NLK: variants seen among roughly 807,000 people sequenced by gnomAD.
NLK encodes nemo like kinase, also known as serine/threonine-protein kinase NLK.
NLK carries 11 observed loss-of-function variants against 59.0 expected under a neutral mutation model. The ratio of observed to expected loss-of-function variants is 0.19; its 90% CI spans 0.12 to 0.31. The LOEUF (loss-of-function observed/expected upper bound fraction) is 0.31, where lower values mean the gene tolerates loss of function less well. Among genes scored for constraint, NLK ranks in the 10% least tolerant of loss-of-function variants. The probability of loss-of-function intolerance (pLI) is 1.00; values close to 1 mark genes in which losing one functional copy is unlikely to be tolerated. For missense variants in NLK, 410 were observed against 661.1 expected (o/e 0.62, Z 4.16); for synonymous variants, 235 against 235.9 (o/e 1.00, Z 0.03).
chr17:28,072,365 A>G (rs1461475031), intron 1 of NLK, among the ~76,000 whole-genome samples: 1 of 141,574 alleles, frequency 7.1e-6, no homozygotes, highest in African/African-American at 2.6e-5. Flanking sequence ...TTGCTTGGTC[A>G]CCCAGGCTGG....
At chr17:28,115,208 G>C (rs528728297) in intron 1 of NLK, among the ~76,000 whole-genome samples, 1 of 151,874 alleles carries the variant, frequency 6.6e-6, no homozygotes, top group Non-Finnish European at 1.5e-5. Flanking sequence ...CAGACAGGAA[G>C]CCCATAGGAG....
At chr17:28,084,879 T>C (rs1019617558) in intron 1 of NLK, among the ~76,000 whole-genome samples, 1 of 152,216 alleles carries the variant, frequency 6.6e-6, no homozygotes, top group Non-Finnish European at 1.5e-5. Context: ...CTACCTTTTC[T>C]ATTTTTTGCA....
chr17:28,166,415 A>T (rs1196218763), intron 5 of NLK, among the ~76,000 whole-genome samples: 2 of 152,186 alleles, frequency 1.3e-5, no homozygotes, highest in Non-Finnish European at 2.9e-5. Context: ...CAAATCAGAA[A>T]GAGGGGATTG....
At chr17:28,160,136 G>T (rs988829575) in intron 3 of NLK, among the ~76,000 whole-genome samples, 3 of 152,302 alleles carry the variant, frequency 2.0e-5, no homozygotes, top group East Asian at 3.9e-4. Flanking sequence ...CACTGGATCC[G>T]AGTATCCACG....
At chr17:28,077,073 CTTTTTTTTT>C (rs35639099) in intron 1 of NLK, among the ~76,000 whole-genome samples, 5 of 42,494 alleles carry the variant, frequency 1.2e-4, no homozygotes, top group East Asian at 9.0e-4. Flanking sequence ...CTCTTTCTTT[CTTTTTTTTT>C]TTTTTTTTTT....
chr17:28,161,138 C>T (rs1158587611), intron 3 of NLK, 22 bp from the exon 4 acceptor site: 5 of 1,391,224 alleles, frequency 3.6e-6, no homozygotes, highest in Non-Finnish European at 5.1e-6. Context: ...TCGCCGAACT[C>T]TCCTTAACTT....
chr17:28,094,007 T>G (rs938825821), intron 1 of NLK, among the ~76,000 whole-genome samples: 8 of 152,172 alleles, frequency 5.3e-5, no homozygotes, highest in African/African-American at 1.9e-4. Flanking sequence ...AAAATGACTA[T>G]TATTTAATAG....
At chr17:28,074,939 G>A (rs1029526644) in intron 1 of NLK, among the ~76,000 whole-genome samples, 37 of 152,242 alleles carry the variant, frequency 2.4e-4, no homozygotes, top group African/African-American at 7.2e-4. Flanking sequence ...ACAAGCTGGC[G>A]TATTTCACTT....
intron 7 of NLK, among the ~76,000 whole-genome samples, chr17:28,183,650 A>G (rs1237309317): frequency 6.6e-6 from 1 of 152,086 alleles, no homozygotes; most frequent in Non-Finnish European, 1.5e-5. Context: ...CTTTATTGTT[A>G]TTTGAGTTGA....
intron 1 of NLK, among the ~76,000 whole-genome samples, chr17:28,062,276 CAA>C (rs1284417549): frequency 1.3e-5 from 2 of 152,086 alleles, no homozygotes; most frequent in African/African-American, 4.8e-5. Context: ...CCCTCATGAT[CAA>C]AAGAGTTCTG....
chr17:28,144,618 G>T (rs1907162612), intron 3 of NLK, among the ~76,000 whole-genome samples: 1 of 152,154 alleles, frequency 6.6e-6, no homozygotes, highest in Non-Finnish European at 1.5e-5. Context: ...TAACCTTCTG[G>T]TTAACCTTCT....
At chr17:28,111,884 GTGTGTGTGTGTGGTGTGTGTGTGTGTGT>G (rs1567716976) in intron 1 of NLK, among the ~76,000 whole-genome samples, 2 of 127,668 alleles carry the variant, frequency 1.6e-5, no homozygotes, top group African/African-American at 6.0e-5. Flanking sequence ...GTGTGTGTGT[GTGTGTGTGTGTGGTGTGTGTGTGTGTGT>G]GTGTGTGTGT....
At chr17:28,101,487 T>G (rs1597680645) in intron 1 of NLK, among the ~76,000 whole-genome samples, 1 of 152,242 alleles carries the variant, frequency 6.6e-6, no homozygotes, top group South Asian at 2.1e-4. Context: ...TGTACAAGTC[T>G]TGCACATCTT....
chr17:28,043,364 G>T, intron 1 of NLK, 33 bp downstream of exon 1: 1 of 1,483,396 alleles, frequency 6.7e-7, no homozygotes. Flanking sequence ...AACCTCTCAT[G>T]GTTTCTTCTG....
chr17:28,182,643 G>A (rs970471332), intron 7 of NLK, among the ~76,000 whole-genome samples: 1 of 152,174 alleles, frequency 6.6e-6, no homozygotes, highest in Non-Finnish European at 1.5e-5. Context: ...AAGTAATGTA[G>A]TGTTGCTGAG....
chr17:28,060,920 A>G (rs1228419201), intron 1 of NLK, among the ~76,000 whole-genome samples: 1 of 152,242 alleles, frequency 6.6e-6, no homozygotes. Flanking sequence ...AAGGATGTTC[A>G]TTTACTGTTA....
At chr17:28,193,677 T>C (rs1231907930) in intron 10 of NLK, among the ~76,000 whole-genome samples, 1 of 152,204 alleles carries the variant, frequency 6.6e-6, no homozygotes, top group Admixed American at 6.5e-5. Flanking sequence ...CCTTTTTCTC[T>C]CTTCCTGCTG....
chr17:28,042,785 A>T lies in NLK; in HGVS notation c.-89A>T. 8.7e-7 allele frequency: 1 copy of T among 1,146,030 alleles called. No individual in the cohort carries two copies. The highest frequency in any genetic ancestry group is 1.2e-6 in the Non-Finnish European group (1 of 829,510). The allele number at this position is 1,146,030 out of a possible 1,614,324, so 71.0% of individuals were successfully genotyped here. A position where few individuals can be genotyped will look rare whatever the true frequency, so the allele number is the denominator to read the frequency against. On this transcript the variant is annotated 5_prime_UTR_variant, in exon 1 of 11. Transcript: ENST00000407008. ...AAGACATAAAGCTCTATGTTTTTTG[A>T]GGTGGAGTGAGTGGTTTTTCTTCAT...
chr17:28,066,036 T>G (rs1363444153), intron 1 of NLK, among the ~76,000 whole-genome samples: 2 of 152,176 alleles, frequency 1.3e-5, no homozygotes, highest in Admixed American at 6.5e-5. Context: ...ACAGACGAAG[T>G]TATGTCAACG....
Sources: allele counts gnomAD v4.1 joint callset (sites outside exome capture counted in the v4.1 genomes callset), GRCh38; gene constraint gnomAD v4.1.1; transcripts MANE v1.5; gene names NCBI Gene and HGNC (gene_info 2026-07-23, HGNC 2026-07-21).